BCAS4: variants seen among roughly 807,000 people sequenced by gnomAD.
The protein encoded by BCAS4 is breast carcinoma amplified sequence 4, also known as breast carcinoma-amplified sequence 4.
A neutral mutation model predicts 15.7 loss-of-function variants in BCAS4; 9 were observed. The observed-to-expected ratio is 0.57, with a 90% CI of 0.34 to 1.00. BCAS4 has a LOEUF of 1.00. Among genes scored for constraint, BCAS4 ranks in the 50% least tolerant of loss-of-function variants. The probability of loss-of-function intolerance (pLI) is 0.02; values close to 1 mark genes in which losing one functional copy is unlikely to be tolerated. For missense variants in BCAS4, 225 were observed against 239.1 expected (o/e 0.94, Z 0.39); for synonymous variants, 101 against 99.5 (o/e 1.02, Z -0.09).
intron 3 of BCAS4, among the ~76,000 whole-genome samples, chr20:50,834,773 T>C (rs961296189): frequency 1.3e-5 from 2 of 152,266 alleles, no homozygotes; most frequent in Admixed American, 6.5e-5. Context: ...GATTTGCCTG[T>C]GCTGGACATT....
chr20:50,795,052 G>T (rs1469648476), upstream of BCAS4: 5 of 1,476,544 alleles, frequency 3.4e-6, no homozygotes, highest in Non-Finnish European at 4.5e-6. Flanking sequence ...CTCCCAGGCA[G>T]CCTCCGCCAG....
chr20:50,865,909 C>T (rs921474829), intron 4 of BCAS4, among the ~76,000 whole-genome samples: 1 of 152,090 alleles, frequency 6.6e-6, no homozygotes, highest in Admixed American at 6.6e-5. Context: ...AGACTCAGGG[C>T]CCTGGAGCAG....
chr20:50,819,147 C>T (rs2088180649), intron 2 of BCAS4, among the ~76,000 whole-genome samples: 2 of 151,664 alleles, frequency 1.3e-5, no homozygotes, highest in African/African-American at 4.9e-5. Context: ...TGCGCCACTG[C>T]ACTCCAGCCT....
chr20:50,863,151 T>C (rs550492763), intron 4 of BCAS4, among the ~76,000 whole-genome samples: 73 of 150,850 alleles, frequency 4.8e-4, no homozygotes, highest in Non-Finnish European at 9.4e-4. Context: ...TTTGAATGGA[T>C]AACAGCTGCC....
intron 2 of BCAS4, among the ~76,000 whole-genome samples, chr20:50,821,763 C>T (rs2088219418): frequency 6.6e-6 from 1 of 152,200 alleles, no homozygotes; most frequent in African/African-American, 2.4e-5. Context: ...CAAAGTCCAG[C>T]TTCCCGTCTG....
rs531778675 is a variant in BCAS4 at position 50,875,642 on chromosome 20, G to A, written c.400-844G>A. On this transcript the variant is annotated intron_variant, in intron 4 of 4. Transcript: ENST00000371608. ...AAAAAAGAAAAAAAATTAGCCGGGC[G>A]TGGTGGTGCACGCCTATAATCCCGG... 3.4e-4 allele frequency among the ~76,000 whole-genome samples: 52 copies of A among 151,414 alleles called. No individual in the cohort carries two copies. In the South Asian group the frequency reaches 9.0e-3, roughly 26 times the overall value.
At chr20:50,847,079 G>A (rs867314589) in intron 4 of BCAS4, among the ~76,000 whole-genome samples, 6 of 152,188 alleles carry the variant, frequency 3.9e-5, no homozygotes, top group East Asian at 1.9e-4. Context: ...GGAAAGCTCC[G>A]GAACTCTCAG....
intron 3 of BCAS4, among the ~76,000 whole-genome samples, chr20:50,838,140 CTCACTCAT>C (rs1412598945): frequency 2.0e-5 from 3 of 152,252 alleles, no homozygotes; most frequent in Non-Finnish European, 4.4e-5. Flanking sequence ...GATACACTCA[CTCACTCAT>C]TCACTCATTC....
chr20:50,860,456 C>T (rs1200335968), intron 4 of BCAS4, among the ~76,000 whole-genome samples: 1 of 152,198 alleles, frequency 6.6e-6, no homozygotes. Context: ...CTCATCTGCC[C>T]TCCATTTTTA....
chr20:50,835,059 G>A (rs1331317292), intron 3 of BCAS4, among the ~76,000 whole-genome samples: 1 of 152,014 alleles, frequency 6.6e-6, no homozygotes, highest in Admixed American at 6.6e-5. Flanking sequence ...CATTTCTTTT[G>A]GGTAGATACC....
At position 50,796,452 on chromosome 20, in the gene BCAS4, CATATATATATATATATATATATAT is replaced by C. The variant is rs1245993218; in HGVS notation, c.90+1292_90+1315del. Among the ~76,000 whole-genome samples, 185 of 21,152 alleles carry C rather than the reference CATATATATATATATATATATATAT, an allele frequency of 8.7e-3. 7 individuals are homozygous for C. The highest frequency in any genetic ancestry group is 0.013 in the Non-Finnish European group (167 of 13,016). 13.9% of individuals were successfully genotyped at this position (21,152 alleles called of 152,430 possible). A position where few individuals can be genotyped will look rare whatever the true frequency, so the allele number is the denominator to read the frequency against. ...TCTCTTTTTTCTTTTTCTTTTTCTCCATATATATATATATATATATATATATATATATATATTTTTTTTTTTTTT... is the reference window on the plus strand; with the variant it reads ...TCTCTTTTTTCTTTTTCTTTTTCTCCATATATATATATTTTTTTTTTTTTT... On this transcript the variant is annotated intron_variant, in intron 1 of 4. Coordinates refer to ENST00000371608, the MANE Select transcript of BCAS4 (RefSeq NM_198799.4).
chr20:50,839,784 G>T (rs2088454137), intron 3 of BCAS4, among the ~76,000 whole-genome samples: 1 of 151,914 alleles, frequency 6.6e-6, no homozygotes, highest in South Asian at 2.1e-4. Context: ...GGGATTATAG[G>T]CATGAGAGCT....
At chr20:50,840,871 G>A (rs1224878497) in intron 3 of BCAS4, 8 of 787,566 alleles carry the variant, frequency 1.0e-5, no homozygotes, top group East Asian at 1.0e-4. Flanking sequence ...CTCTTGTCGC[G>A]CAGGCTGGAC....
chr20:50,815,472 A>G (rs555431121), intron 1 of BCAS4, among the ~76,000 whole-genome samples: 7 of 151,896 alleles, frequency 4.6e-5, no homozygotes, highest in South Asian at 2.1e-4. Context: ...AGAACAACCA[A>G]TCTTCTCCTC....
downstream of BCAS4, chr20:50,878,078 A>G (rs1980031295): frequency 1.0e-5 from 1 of 100,500 alleles, no homozygotes; most frequent in Non-Finnish European, 2.0e-5. Context: ...TTTAAAAATT[A>G]AAAACAGAAA....
At chr20:50,878,784 T>C (rs1980053827), downstream of BCAS4, 1 of 152,164 alleles carries the variant, frequency 6.6e-6, no homozygotes, top group South Asian at 2.1e-4. Context: ...GCACAAACCT[T>C]TATTGAAGTA....
At chr20:50,854,967 C>T (rs1356070843) in intron 4 of BCAS4, among the ~76,000 whole-genome samples, 1 of 152,228 alleles carries the variant, frequency 6.6e-6, no homozygotes, top group African/African-American at 2.4e-5. Context: ...CCCCTCCACA[C>T]TGCTCATGCC....
intron 1 of BCAS4, among the ~76,000 whole-genome samples, chr20:50,810,355 A>G (rs1417777290): frequency 6.6e-6 from 1 of 151,664 alleles, no homozygotes; most frequent in Non-Finnish European, 1.5e-5. Context: ...ATTGGATCCC[A>G]CCTCTTCACC....
intron 4 of BCAS4, among the ~76,000 whole-genome samples, chr20:50,853,760 G>A (rs537514382): frequency 3.7e-5 from 3 of 80,216 alleles, no homozygotes; most frequent in Non-Finnish European, 2.4e-5. Flanking sequence ...TGTACTGGGG[G>A]TGTTTTGTGT....
Sources: allele counts gnomAD v4.1 joint callset (sites outside exome capture counted in the v4.1 genomes callset), GRCh38; gene constraint gnomAD v4.1.1; transcripts MANE v1.5; gene names NCBI Gene and HGNC (gene_info 2026-07-23, HGNC 2026-07-21).